RPRD1B: variants seen among roughly 807,000 people sequenced by gnomAD.
RPRD1B encodes the protein regulation of nuclear pre-mRNA domain containing 1B.
In RPRD1B, 11 loss-of-function variants were observed where a neutral mutation model predicts 41.5. The observed-to-expected ratio is 0.27, with a 90% CI of 0.17 to 0.44. The LOEUF (loss-of-function observed/expected upper bound fraction) is 0.44, where lower values mean the gene tolerates loss of function less well. Among genes scored for constraint, RPRD1B ranks in the 20% least tolerant of loss-of-function variants. The pLI, the probability that RPRD1B is intolerant of heterozygous loss-of-function variation, is 1.00. For synonymous variants in RPRD1B, 158 were observed against 155.6 expected, an observed-to-expected ratio of 1.02 and a Z score of -0.12; for missense variants, 248 against 389.9, an observed-to-expected ratio of 0.64 and a Z score of 3.06.
rs533877797 is a variant in RPRD1B, at chr20:38,038,653, C to T, written c.152-1782C>T. 2.7e-3 allele frequency among the ~76,000 whole-genome samples: 410 copies of T among 152,130 alleles called. 2 individuals are homozygous for T. Among genetic ancestry groups the T allele is most frequent in the African/African-American group, 9.5e-3 (395 of 41,494 alleles). ...CTGGGACTACAGGCGCCCGCCACCA[C>T]GCCTGGCTAATTTTTTGTATTTTTA... On this transcript the variant is annotated intron_variant, in intron 1 of 6. Transcript: ENST00000373433.
chr20:38,064,720 C>T (rs2074335206), intron 5 of RPRD1B, among the ~76,000 whole-genome samples: 1 of 152,092 alleles, frequency 6.6e-6, no homozygotes, highest in African/African-American at 2.4e-5. Flanking sequence ...GAGTTACAAC[C>T]CATTAATTGG....
intron 2 of RPRD1B, among the ~76,000 whole-genome samples, chr20:38,047,893 A>T (rs1431371916): frequency 6.6e-6 from 1 of 152,184 alleles, no homozygotes; most frequent in Non-Finnish European, 1.5e-5. Context: ...GTGTTTATAC[A>T]TGTAGAGGTG....
At chr20:38,049,835 C>T (rs962365723) in intron 3 of RPRD1B, 2 of 470,430 alleles carry the variant, frequency 4.3e-6, no homozygotes, top group South Asian at 3.1e-5. Context: ...ATTGAAGACC[C>T]TTTCTATCTG....
intron 6 of RPRD1B, among the ~76,000 whole-genome samples, chr20:38,081,372 A>G (rs865986575): frequency 2.0e-5 from 3 of 152,200 alleles, no homozygotes; most frequent in East Asian, 1.9e-4. Flanking sequence ...TTATTGGTCT[A>G]TAGAAATGCT....
At chr20:38,035,707 G>A (rs749043555) in intron 1 of RPRD1B, among the ~76,000 whole-genome samples, 55 of 151,988 alleles carry the variant, frequency 3.6e-4, no homozygotes, top group Non-Finnish European at 1.0e-4. Flanking sequence ...CCACTGTACA[G>A]AATTCTATTG....
chr20:38,063,123 T>C (rs1259380476), intron 5 of RPRD1B, among the ~76,000 whole-genome samples: 2 of 152,190 alleles, frequency 1.3e-5, no homozygotes, highest in Non-Finnish European at 2.9e-5. Flanking sequence ...TTGTACTTGC[T>C]GTCCCCTCTG....
At position 38,066,202 on chromosome 20, in the gene RPRD1B, G is replaced by A; in HGVS notation, c.777G>A (p.Val259=). The A allele has an allele frequency of 7.4e-6, 12 of 1,614,210 alleles. No individual in the cohort carries two copies. The highest frequency in any genetic ancestry group is 1.0e-5 in the Non-Finnish European group (12 of 1,180,040). The change falls in exon 6 of 7, where the codon GTG becomes GTA. Residue 259 remains valine, a synonymous_variant. Coordinates refer to ENST00000373433, the MANE Select transcript of RPRD1B (RefSeq NM_021215.4). ...EDRRQLARML[V]EYTQNQKDVL... ...GTCGCCAGCTGGCTCGGATGTTGGT[G>A]GAGTATACCCAGAATCAGAAAGATG...
chr20:38,033,791 G>C lies in RPRD1B; in HGVS notation c.-157G>C, dbSNP rs1474216148. On this transcript the variant is annotated 5_prime_UTR_variant, in exon 1 of 7. Transcript: ENST00000373433. Reference sequence around the variant, plus strand: ...CGGCGGCGCGGGCGGCTGTTACTGCGGAGACCCATCCCCTCCCCCTTCTCG... The same window carrying C: ...CGGCGGCGCGGGCGGCTGTTACTGCCGAGACCCATCCCCTCCCCCTTCTCG... The C allele has an allele frequency of 2.9e-6, 2 of 685,410 alleles. No individual in the cohort carries two copies. Among genetic ancestry groups the C allele is most frequent in the Non-Finnish European group, 4.7e-6 (2 of 425,828 alleles). 42.5% of individuals were successfully genotyped at this position (685,410 alleles called of 1,614,324 possible).
Position 38,066,088 on chromosome 20 carries a change from G to A in RPRD1B, c.663G>A (p.Glu221=). ...VSLLEKITDK[E]AAERLSKTVD... ...GGTCTCATTTGTACTTAGACAAAGA[G>A]GCAGCTGAACGTCTTTCAAAAACAG... The change falls in exon 6 of 7, where the codon GAG becomes GAA. Residue 221 remains glutamate (E), a synonymous_variant. Coordinates refer to ENST00000373433, the MANE Select transcript of RPRD1B (RefSeq NM_021215.4). 6.2e-7 allele frequency: 1 copy of A among 1,614,042 alleles called. No homozygotes were observed. The highest frequency in any genetic ancestry group is 1.1e-5 in the South Asian group (1 of 91,072).
chr20:38,072,725 T>C (rs193110452), intron 6 of RPRD1B, among the ~76,000 whole-genome samples: 90 of 152,344 alleles, frequency 5.9e-4, no homozygotes, highest in Non-Finnish European at 1.1e-3. Context: ...TGTCATTTAC[T>C]GATGCATTTG....
At chr20:38,040,107 A>AGGCTTTT (rs2074050332) in intron 1 of RPRD1B, among the ~76,000 whole-genome samples, 1 of 152,224 alleles carries the variant, frequency 6.6e-6, no homozygotes, top group Non-Finnish European at 1.5e-5. Context: ...CAGTAGAATA[A>AGGCTTTT]ATAAAAGCCC....
In RPRD1B at chr20:38,037,012, A is replaced by G. The variant is rs1018375331; in HGVS notation, c.151+2914A>G. On this transcript the variant is annotated intron_variant, in intron 1 of 6. Coordinates refer to ENST00000373433, the MANE Select transcript of RPRD1B (RefSeq NM_021215.4). ...TTTCATGAACTGAAAATGCCCCCACACTGAAAGAAAAGGATTCTGTGCCCT... is the reference window on the plus strand; with the variant it reads ...TTTCATGAACTGAAAATGCCCCCACGCTGAAAGAAAAGGATTCTGTGCCCT... Among the ~76,000 whole-genome samples, 4 of 152,248 alleles carry G rather than the reference A, an allele frequency of 2.6e-5. No homozygotes were observed. The South Asian group carries it at 6.2e-4, about 24-fold the overall frequency.
At chr20:38,078,554 C>T (rs911271439) in intron 6 of RPRD1B, among the ~76,000 whole-genome samples, 2 of 151,892 alleles carry the variant, frequency 1.3e-5, no homozygotes, top group Non-Finnish European at 2.9e-5. Flanking sequence ...TGGATTATTG[C>T]CAGACCATAA....
At chr20:38,042,392 G>T (rs2074075506) in intron 2 of RPRD1B, among the ~76,000 whole-genome samples, 1 of 152,094 alleles carries the variant, frequency 6.6e-6, no homozygotes, top group Non-Finnish European at 1.5e-5. Context: ...ATCTTTAGCT[G>T]TCCTGAAACC....
chr20:38,065,677 A>G (rs1319516956), intron 5 of RPRD1B, among the ~76,000 whole-genome samples: 1 of 152,204 alleles, frequency 6.6e-6, no homozygotes, highest in Non-Finnish European at 1.5e-5. Context: ...GGTTGAATCC[A>G]CAGATACAGA....
chr20:38,059,296 C>T, intron 4 of RPRD1B, 98 bp from the exon 5 acceptor site: 2 of 1,247,810 alleles, frequency 1.6e-6, no homozygotes, highest in Non-Finnish European at 2.2e-6. Flanking sequence ...GCAGGAATGA[C>T]TGTTTTTAGA....
At chr20:38,064,937 G>C (rs2074338286) in intron 5 of RPRD1B, among the ~76,000 whole-genome samples, 1 of 149,544 alleles carries the variant, frequency 6.7e-6, no homozygotes. Flanking sequence ...AGTGAGCCGA[G>C]ATCATGCCAC....
intron 6 of RPRD1B, among the ~76,000 whole-genome samples, chr20:38,089,103 G>T (rs2074589291): frequency 6.6e-6 from 1 of 152,188 alleles, no homozygotes; most frequent in Non-Finnish European, 1.5e-5. Context: ...CAAGGGAGTG[G>T]TTTCATGAAA....
At chr20:38,082,987 G>A (rs979796107) in intron 6 of RPRD1B, among the ~76,000 whole-genome samples, 2 of 152,118 alleles carry the variant, frequency 1.3e-5, no homozygotes, top group African/African-American at 2.4e-5. Context: ...TTGTCTGTTA[G>A]TTTGTCTTTT....
Sources: allele counts gnomAD v4.1 joint callset (sites outside exome capture counted in the v4.1 genomes callset), GRCh38; gene constraint gnomAD v4.1.1; transcripts MANE v1.5; gene names NCBI Gene and HGNC (gene_info 2026-07-23, HGNC 2026-07-21).